Variants in THNSL1 observed in about 807,000 individuals in gnomAD.
THNSL1 encodes threonine synthase like 1, also known as threonine synthase-like 1.
A neutral mutation model predicts 50.4 loss-of-function variants in THNSL1; 48 were observed. The ratio of observed to expected loss-of-function variants is 0.95; its 90% CI spans 0.76 to 1.21. The LOEUF (loss-of-function observed/expected upper bound fraction) is 1.21. Among genes scored for constraint, THNSL1 ranks in the 50% most tolerant of loss-of-function variants. The pLI is 0.00. For synonymous variants in THNSL1, 309 were observed against 306.1 expected (o/e 1.01, Z -0.10); for missense variants, 896 against 871.7 (o/e 1.03, Z -0.35).
chr10:25,021,972 T>C (rs1850728015), intron 2 of THNSL1, 64 bp downstream of exon 2: 1 of 152,194 alleles, frequency 6.6e-6, no homozygotes, highest in Non-Finnish European at 1.5e-5. Context: ...AGAGTTTAAG[T>C]AGCATAGAAA....
the THNSL1 span, among the ~76,000 whole-genome samples, chr10:24,990,110 G>A: frequency 3.9e-5 from 6 of 151,960 alleles, no homozygotes; most frequent in African/African-American, 1.5e-4. Flanking sequence ...TCTAATTTAT[G>A]AATATTATTT....
At chr10:25,023,078 C>A in intron 2 of THNSL1, 98 bp from the exon 3 acceptor site, 1 of 750,334 alleles carries the variant, frequency 1.3e-6, no homozygotes, top group Non-Finnish European at 2.1e-6. Context: ...GTACCATGGG[C>A]ATGGTTATAT....
the THNSL1 span, chr10:24,995,974 T>C: frequency 1.5e-5 from 13 of 859,904 alleles, no homozygotes; most frequent in Non-Finnish European, 2.2e-5. Context: ...GAAGTTGCAG[T>C]CATAATATAT....
the THNSL1 span, among the ~76,000 whole-genome samples, chr10:24,954,422 T>C: frequency 2.6e-5 from 4 of 152,062 alleles, no homozygotes; most frequent in Non-Finnish European, 5.9e-5. Context: ...CAGGGCCAGA[T>C]TGGGGGGTAC....
the THNSL1 span, among the ~76,000 whole-genome samples, chr10:24,985,225 T>C: frequency 6.6e-6 from 1 of 152,184 alleles, no homozygotes; most frequent in Admixed American, 6.5e-5. Context: ...TCACAGCAAA[T>C]GCATGGGTAA....
chr10:24,970,818 G>A, the THNSL1 span, among the ~76,000 whole-genome samples: 8 of 152,138 alleles, frequency 5.3e-5, no homozygotes, highest in Non-Finnish European at 8.8e-5. Flanking sequence ...GAGGTCAGGA[G>A]TTTGAGACCA....
chr10:25,018,396 G>A (rs112725084), intron 1 of THNSL1, among the ~76,000 whole-genome samples: 2 of 152,312 alleles, frequency 1.3e-5, no homozygotes, highest in African/African-American at 2.4e-5. Flanking sequence ...TGTCTATAAA[G>A]GGGTAGACAG....
At chr10:24,979,027 T>A in the THNSL1 span, among the ~76,000 whole-genome samples, 1 of 152,226 alleles carries the variant, frequency 6.6e-6, no homozygotes, top group Non-Finnish European at 1.5e-5. Flanking sequence ...TTTGCTCTTT[T>A]CTTCCCCCGA....
chr10:25,012,117 A>G (rs1163563837), upstream of THNSL1, among the ~76,000 whole-genome samples: 1 of 152,260 alleles, frequency 6.6e-6, no homozygotes, highest in Non-Finnish European at 1.5e-5. Flanking sequence ...TGGCTTCCAC[A>G]TGGTGTTGGG....
upstream of THNSL1, among the ~76,000 whole-genome samples, chr10:25,014,521 G>GA (rs376706730): frequency 0.018 from 2,665 of 146,236 alleles, 81 homozygotes; most frequent in African/African-American, 0.062. Context: ...AATTTTTTTT[G>GA]AAAAAAAAAA....
chr10:25,021,500 T>G (rs1434232119), intron 1 of THNSL1, among the ~76,000 whole-genome samples: 1 of 152,202 alleles, frequency 6.6e-6, no homozygotes, highest in Non-Finnish European at 1.5e-5. Context: ...TGGTTTTTTA[T>G]TGCTTGATGG....
the THNSL1 span, among the ~76,000 whole-genome samples, chr10:24,967,103 T>G: frequency 1.3e-5 from 2 of 152,244 alleles, no homozygotes; most frequent in Non-Finnish European, 2.9e-5. Context: ...CCAGATTCCA[T>G]GGGTACCAGG....
chr10:25,004,085 G>A, the THNSL1 span, among the ~76,000 whole-genome samples: 1 of 152,186 alleles, frequency 6.6e-6, no homozygotes, highest in African/African-American at 2.4e-5. Context: ...ACACATCCAT[G>A]TCCCTGCAAA....
At chr10:24,984,804 T>C in the THNSL1 span, 6 of 1,613,984 alleles carry the variant, frequency 3.7e-6, no homozygotes, top group South Asian at 4.4e-5. Context: ...GTTTCATTTC[T>C]TCTTCCAGCC....
chr10:25,019,385 G>A (rs1193936249), intron 1 of THNSL1, among the ~76,000 whole-genome samples: 1 of 152,126 alleles, frequency 6.6e-6, no homozygotes, highest in African/African-American at 2.4e-5. Flanking sequence ...GAGGTGGGAG[G>A]ATTGCTTGAG....
chr10:25,006,808 C>A, the THNSL1 span, among the ~76,000 whole-genome samples: 1 of 152,146 alleles, frequency 6.6e-6, no homozygotes, highest in Non-Finnish European at 1.5e-5. Flanking sequence ...ATTAAACTTA[C>A]GAGCTTTGGT....
chr10:24,963,090 A>G, the THNSL1 span, among the ~76,000 whole-genome samples: 1 of 152,216 alleles, frequency 6.6e-6, no homozygotes, highest in Non-Finnish European at 1.5e-5. Flanking sequence ...CAGCATGTTC[A>G]TTACAATCAG....
At chr10:24,976,377 C>T in the THNSL1 span, among the ~76,000 whole-genome samples, 69 of 152,270 alleles carry the variant, frequency 4.5e-4, no homozygotes, top group African/African-American at 1.6e-3. Flanking sequence ...GCAGACCTCA[C>T]CACTGGGATA....
the THNSL1 span, among the ~76,000 whole-genome samples, chr10:24,954,143 A>G: frequency 6.6e-6 from 1 of 152,192 alleles, no homozygotes; most frequent in African/African-American, 2.4e-5. Context: ...CCATATTCAC[A>G]AGCAACATCA....
Sources: allele counts gnomAD v4.1 joint callset (sites outside exome capture counted in the v4.1 genomes callset), GRCh38; gene constraint gnomAD v4.1.1; transcripts MANE v1.5; gene names NCBI Gene and HGNC (gene_info 2026-07-23, HGNC 2026-07-21).